ACVR1: variants seen among roughly 807,000 people sequenced by gnomAD.
ACVR1 encodes the protein activin A receptor type 1.
In ACVR1, 38 loss-of-function variants were observed where a neutral mutation model predicts 57.1. That is an observed-to-expected ratio of 0.67 (90% confidence interval 0.51 to 0.87). The LOEUF (loss-of-function observed/expected upper bound fraction) is 0.87, where lower values mean the gene tolerates loss of function less well. Among genes scored for constraint, ACVR1 ranks in the 40% least tolerant of loss-of-function variants. ACVR1 has a pLI of 0.00. For missense variants in ACVR1, 463 were observed against 638.2 expected (o/e 0.73, Z 2.96); for synonymous variants, 212 against 228.1 (o/e 0.93, Z 0.63).
At chr2:157,831,583 A>T (rs1688581363) in intron 1 of ACVR1, among the ~76,000 whole-genome samples, 1 of 152,308 alleles carries the variant, frequency 6.6e-6, no homozygotes, top group South Asian at 2.1e-4. Flanking sequence ...GTAAAGTGAG[A>T]TTTTTTAGTT....
intron 3 of ACVR1, among the ~76,000 whole-genome samples, chr2:157,781,924 C>G (rs1170139794): frequency 6.6e-6 from 1 of 152,128 alleles, no homozygotes; most frequent in African/African-American, 2.4e-5. Context: ...GGAAATTCAG[C>G]TTTCAGAGCT....
intron 5 of ACVR1, 21 bp from the exon 6 acceptor site, chr2:157,774,208 G>A (rs1214773500): frequency 1.3e-6 from 2 of 1,596,334 alleles, no homozygotes; most frequent in Non-Finnish European, 1.7e-6. Flanking sequence ...AGACAAGGGG[G>A]AAAAGAAACG....
intron 2 of ACVR1, among the ~76,000 whole-genome samples, chr2:157,806,087 C>CA (rs1329771166): frequency 2.0e-5 from 3 of 152,030 alleles, no homozygotes; most frequent in Non-Finnish European, 4.4e-5. Flanking sequence ...CTCGGCCTCC[C>CA]AAAGTGCTGG....
At chr2:157,757,044 A>C (rs958499427) in intron 9 of ACVR1, among the ~76,000 whole-genome samples, 7 of 87,092 alleles carry the variant, frequency 8.0e-5, no homozygotes, top group South Asian at 2.7e-4. Context: ...ATATATATAT[A>C]AAATAGAATA....
chr2:157,772,195 C>A (rs986763713), intron 6 of ACVR1, among the ~76,000 whole-genome samples: 1 of 152,046 alleles, frequency 6.6e-6, no homozygotes, highest in East Asian at 1.9e-4. Context: ...TTTGCAAATT[C>A]ATCATTATGC....
chr2:157,858,997 G>C (rs1689633061), intron 1 of ACVR1, among the ~76,000 whole-genome samples: 1 of 152,124 alleles, frequency 6.6e-6, no homozygotes, highest in Non-Finnish European at 1.5e-5. Flanking sequence ...TCACCTTACT[G>C]CATTCCCCAC....
intron 3 of ACVR1, among the ~76,000 whole-genome samples, chr2:157,795,462 C>T (rs536380744): frequency 3.4e-5 from 5 of 149,042 alleles, no homozygotes; most frequent in Non-Finnish European, 4.4e-5. Flanking sequence ...AGAGGAAAGA[C>T]GGCACTAAGG....
rs1410642419 is a variant in ACVR1 at position 157,737,477 on chromosome 2, C to G, written c.*54G>C. 3 of 1,603,890 alleles carry G rather than the reference C, an allele frequency of 1.9e-6. No individual in the cohort carries two copies. The highest frequency in any genetic ancestry group is 2.2e-5 in the South Asian group (2 of 90,288). ...CAACCAGTCAGGCCAGCATTAGGTC[C>G]CAGCTGGACAATGACAACAACGTCA... is the stretch of plus-strand genomic sequence containing the variant. On this transcript the variant is annotated 3_prime_UTR_variant, in exon 11 of 11. Coordinates refer to ENST00000434821, the MANE Select transcript of ACVR1 (RefSeq NM_001111067.4).
chr2:157,871,655 C>T (rs1035588764), intron 1 of ACVR1, among the ~76,000 whole-genome samples: 1 of 152,166 alleles, frequency 6.6e-6, no homozygotes, highest in Non-Finnish European at 1.5e-5. Flanking sequence ...ATAGCCGTGG[C>T]TCTGGAAAAC....
chr2:157,876,006 G>A lies in ACVR1; in HGVS notation c.-393C>T, dbSNP rs1194581120. ...CGGTGGCTGCAGCGGAGCGGTGCGT[G>A]GGGCCGGGAGCTTCCCGGCCCTGGG... On this transcript the variant is annotated 5_prime_UTR_variant, in exon 1 of 11. Coordinates refer to ENST00000434821, the MANE Select transcript of ACVR1 (RefSeq NM_001111067.4). 2.0e-5 allele frequency: 3 copies of A among 150,870 alleles called. No homozygotes were observed. The highest frequency in any genetic ancestry group is 7.3e-5 in the African/African-American group (3 of 41,002). 9.3% of individuals were successfully genotyped at this position (150,870 alleles called of 1,614,324 possible). A position where few individuals can be genotyped will look rare whatever the true frequency, so the allele number is the denominator to read the frequency against.
intron 1 of ACVR1, among the ~76,000 whole-genome samples, chr2:157,854,040 C>T (rs991218925): frequency 6.6e-6 from 1 of 152,132 alleles, no homozygotes; most frequent in South Asian, 2.1e-4. Flanking sequence ...CACTGATTTA[C>T]GTGTTCCTTT....
intron 1 of ACVR1, among the ~76,000 whole-genome samples, chr2:157,852,485 C>T (rs762555940): frequency 5.3e-5 from 7 of 132,140 alleles, no homozygotes; most frequent in Admixed American, 8.8e-5. Context: ...GATGACAGAG[C>T]GAGAGCCTGT....
At chr2:157,834,299 G>A (rs1242030744) in intron 1 of ACVR1, among the ~76,000 whole-genome samples, 1 of 151,964 alleles carries the variant, frequency 6.6e-6, no homozygotes, top group Non-Finnish European at 1.5e-5. Flanking sequence ...CACCGTGTTA[G>A]CCAGGATGGT....
At chr2:157,817,605 G>T (rs1306683444) in intron 2 of ACVR1, among the ~76,000 whole-genome samples, 2 of 152,158 alleles carry the variant, frequency 1.3e-5, no homozygotes, top group Non-Finnish European at 1.5e-5. Context: ...GATATTGACA[G>T]TAGGGGAGGT....
At chr2:157,824,165 C>T (rs1409615852) in intron 1 of ACVR1, among the ~76,000 whole-genome samples, 1 of 152,128 alleles carries the variant, frequency 6.6e-6, no homozygotes, top group African/African-American at 2.4e-5. Context: ...ACCATTTTGA[C>T]TCATCAAAAT....
intron 1 of ACVR1, among the ~76,000 whole-genome samples, chr2:157,836,324 A>G (rs1284417827): frequency 6.6e-6 from 1 of 152,238 alleles, no homozygotes; most frequent in Non-Finnish European, 1.5e-5. Context: ...ACCAGGCTTG[A>G]GATACTGTGG....
chr2:157,780,731 C>A (rs1686485334), intron 3 of ACVR1, 131 bp from the exon 4 acceptor site: 1 of 1,083,538 alleles, frequency 9.2e-7, no homozygotes, highest in Non-Finnish European at 1.3e-6. Context: ...TCACCATCAA[C>A]CATGAGGTCC....
At chr2:157,758,590 A>G (rs867028224) in intron 9 of ACVR1, among the ~76,000 whole-genome samples, 1 of 152,092 alleles carries the variant, frequency 6.6e-6, no homozygotes, top group Non-Finnish European at 1.5e-5. Flanking sequence ...AATAGACTCC[A>G]ACACAATAAC....
At chr2:157,864,959 TA>T (rs1193088070) in intron 1 of ACVR1, among the ~76,000 whole-genome samples, 1 of 150,832 alleles carries the variant, frequency 6.6e-6, no homozygotes, top group Non-Finnish European at 1.5e-5. Context: ...TTTTTTTTTT[TA>T]AAAAGGTGAT....
Sources: gnomAD v4.1 joint callset for allele counts (sites outside exome capture counted in the v4.1 genomes callset) on GRCh38, gnomAD v4.1.1 for gene constraint, MANE v1.5 for transcripts, NCBI Gene and HGNC (gene_info 2026-07-23, HGNC 2026-07-21) for gene names.